LGALS1: variants seen among roughly 807,000 people sequenced by gnomAD.
The protein encoded by LGALS1 is galectin-1.
In LGALS1, 14 loss-of-function variants were observed where a neutral mutation model predicts 14.4. That is an observed-to-expected ratio of 0.97 (90% CI 0.64 to 1.52). The LOEUF is 1.52. Among genes scored for constraint, LGALS1 ranks in the 40% most tolerant of loss-of-function variants. The probability of loss-of-function intolerance (pLI) is 0.00; values close to 1 mark genes in which losing one functional copy is unlikely to be tolerated. For missense variants in LGALS1, 170 were observed against 181.4 expected (o/e 0.94, Z 0.36); for synonymous variants, 71 against 73.4 (o/e 0.97, Z 0.17).
chr22:37,676,189 G>A (rs1381302428), intron 1 of LGALS1: 1 of 151,220 alleles, frequency 6.6e-6, no homozygotes, highest in East Asian at 2.0e-4. Context: ...GCCCTTCTAG[G>A]TCGGGGGTGG....
chr22:37,679,681 AACCTGGAG>A lies in LGALS1; in HGVS notation c.341_348del (p.Asn114SerfsTer8), dbSNP rs762014603. The A allele has an allele frequency of 1.2e-5, 20 of 1,610,694 alleles. No homozygotes were observed. The Admixed American group carries it at 3.4e-4, about 27-fold the overall frequency. On this transcript the variant is annotated frameshift_variant, in exon 4 of 4. Coordinates refer to ENST00000215909, the MANE Select transcript of LGALS1 (RefSeq NM_002305.4). LOFTEE classifies it high-confidence loss of function. Reference sequence around the variant, plus strand: ...CGAATTCAAGTTCCCCAACCGCCTCAACCTGGAGGCCATCAACTACATGGCAGCTGACG... The same window carrying A: ...CGAATTCAAGTTCCCCAACCGCCTCAGCCATCAACTACATGGCAGCTGACG...
intron 1 of LGALS1, among the ~76,000 whole-genome samples, chr22:37,676,561 G>A (rs1921434715): frequency 6.6e-6 from 1 of 152,006 alleles, no homozygotes; most frequent in South Asian, 2.1e-4. Context: ...GGGGTCGCCC[G>A]CCCCTAGCCA....
At chr22:37,679,539 A>G in intron 3 of LGALS1, 64 bp from the exon 4 acceptor site, 4 of 1,430,106 alleles carry the variant, frequency 2.8e-6, no homozygotes, top group Non-Finnish European at 3.7e-6. Flanking sequence ...GGGCCACATG[A>G]GGAACGGGTT....
chr22:37,678,526 C>T lies in LGALS1; in HGVS notation c.133C>T (p.His45Tyr), dbSNP rs774542403. The T allele has an allele frequency of 1.9e-6, 3 of 1,613,652 alleles. No homozygotes were observed. Among genetic ancestry groups the T allele is most frequent in the Admixed American group, 3.3e-5 (2 of 60,026 alleles). Residue 45 changes from histidine to tyrosine, a missense_variant, in exon 3 of 4, where the codon CAC (histidine) becomes TAC (tyrosine). Transcript: ENST00000215909. ...CAAAGACAGCAACAACCTGTGCCTG[C>T]ACTTCAACCCTCGCTTCAACGCCCA... ...LGKDSNNLCL[H>Y]FNPRFNAHGD...
At position 37,678,331 on chromosome 22, in the gene LGALS1, G is replaced by C. The variant is rs562269972; in HGVS notation, c.90-152G>C. 8.6e-6 allele frequency: 7 copies of C among 809,864 alleles called. No individual in the cohort carries two copies. The East Asian group carries it at 1.6e-4, about 19-fold the overall frequency. 50.2% of individuals were successfully genotyped at this position (809,864 alleles called of 1,614,324 possible). A position where few individuals can be genotyped will look rare whatever the true frequency, so the allele number is the denominator to read the frequency against. On this transcript the variant is annotated intron_variant, in intron 2 of 3. Coordinates refer to ENST00000215909, the MANE Select transcript of LGALS1 (RefSeq NM_002305.4). The stretch of plus-strand genomic sequence containing the variant: ...AAACAGGGGAAGAGGGGCAGGAGCA[G>C]GTGGCATGGCCAGAGCTAGAATCCA...
intron 2 of LGALS1, among the ~76,000 whole-genome samples, chr22:37,678,026 GC>G (rs1195680226): frequency 6.6e-6 from 1 of 152,046 alleles, no homozygotes; most frequent in East Asian, 1.9e-4. Flanking sequence ...CTCATGATCT[GC>G]CCGCTCGCCT....
chr22:37,675,853 G>T, intron 1 of LGALS1, 142 bp downstream of exon 1: 2 of 660,724 alleles, frequency 3.0e-6, no homozygotes, highest in Non-Finnish European at 4.8e-6. Flanking sequence ...GACCTCAGTG[G>T]CCACATCTGT....
Position 37,677,985 on chromosome 22 carries a change from A to G in LGALS1, c.90-498A>G, listed in dbSNP as rs756946079. On this transcript the variant is annotated intron_variant, in intron 2 of 3. Coordinates refer to ENST00000215909, the MANE Select transcript of LGALS1 (RefSeq NM_002305.4). ...CTTTTAGTAGAGACGGGGTTTCACC[A>G]TGTTGGCCAGGCTGGTCTCGAACTC... Among the ~76,000 whole-genome samples the G allele has an allele frequency of 5.5e-4, 84 of 151,970 alleles. 1 individual carries two copies. The highest frequency in any genetic ancestry group is 1.8e-4 in the Non-Finnish European group (12 of 68,008).
intron 2 of LGALS1, chr22:37,677,266 T>C: frequency 1.7e-6 from 1 of 592,814 alleles, no homozygotes; most frequent in Non-Finnish European, 3.0e-6. Flanking sequence ...GCTCCCTCCC[T>C]GCTGTAGCCT....
Position 37,677,083 on chromosome 22 carries a change from G to A in LGALS1, c.89+18G>A. ...GCTAAGAGGTGAGAAGTGAAGTCGGGGTGGTGGGCGGCAGGGACGGGCTTG... is the reference window on the plus strand; with the variant it reads ...GCTAAGAGGTGAGAAGTGAAGTCGGAGTGGTGGGCGGCAGGGACGGGCTTG... On this transcript the variant is annotated intron_variant, in intron 2 of 3. Coordinates refer to ENST00000215909, the MANE Select transcript of LGALS1 (RefSeq NM_002305.4). 1 of 1,612,768 alleles carries A rather than the reference G, an allele frequency of 6.2e-7. No homozygotes were observed. Among genetic ancestry groups the A allele is most frequent in the Non-Finnish European group, 8.5e-7 (1 of 1,179,136 alleles).
chr22:37,679,460 G>A, intron 3 of LGALS1, 143 bp from the exon 4 acceptor site: 1 of 616,068 alleles, frequency 1.6e-6, no homozygotes, highest in Non-Finnish European at 2.4e-6. Context: ...CATAGGATTA[G>A]AGTAAAAAGA....
chr22:37,677,203 A>C, intron 2 of LGALS1, 138 bp downstream of exon 2: 1 of 815,414 alleles, frequency 1.2e-6, no homozygotes, highest in Non-Finnish European at 1.9e-6. Context: ...TTTCTGGGTG[A>C]CTCACTTCCC....
chr22:37,677,151 C>T, intron 2 of LGALS1, 86 bp downstream of exon 2: 3 of 1,323,918 alleles, frequency 2.3e-6, no homozygotes, highest in Non-Finnish European at 3.2e-6. Context: ...ACATCTCCTC[C>T]CTGGCCGGGA....
chr22:37,676,893 ACAACC>A (rs1194326239), intron 1 of LGALS1, 88 bp from the exon 2 acceptor site: 2 of 1,279,804 alleles, frequency 1.6e-6, no homozygotes, highest in African/African-American at 2.9e-5. Flanking sequence ...CCGGGCGGGA[ACAACC>A]CCACTCCCAC....
chr22:37,679,084 T>G (rs1045532361), intron 3 of LGALS1, among the ~76,000 whole-genome samples: 20 of 148,616 alleles, frequency 1.3e-4, no homozygotes, highest in African/African-American at 5.0e-4. Flanking sequence ...TGAGCCGAGA[T>G]TGCACCACTG....
Position 37,675,670 on chromosome 22 carries a change from C to G in LGALS1, c.-33C>G. 4.5e-6 allele frequency: 7 copies of G among 1,547,122 alleles called. No homozygotes were observed. The highest frequency in any genetic ancestry group is 5.2e-6 in the Non-Finnish European group (6 of 1,145,846). ...GGGTGGAGTCTTCTGACAGCTGGTG[C>G]GCCTGCCCGGGAACATCCTCCTGGA... On this transcript the variant is annotated 5_prime_UTR_variant, in exon 1 of 4. Coordinates refer to ENST00000215909, the MANE Select transcript of LGALS1 (RefSeq NM_002305.4).
rs1384627586 is a variant in LGALS1, at chr22:37,675,722, G to C, written c.9+11G>C. ...TCAATCATGGCTTGTGTGAGTGTGG[G>C]GACCCCCCCCCAAGGTCCAGGGGAT... On this transcript the variant is annotated intron_variant, in intron 1 of 3. Transcript: ENST00000215909. The C allele has an allele frequency of 6.5e-7, 1 of 1,538,212 alleles. No homozygotes were observed.
At chr22:37,676,380 T>A (rs1471204455) in intron 1 of LGALS1, among the ~76,000 whole-genome samples, 1 of 152,110 alleles carries the variant, frequency 6.6e-6, no homozygotes, top group East Asian at 1.9e-4. Context: ...CCACTCGGGG[T>A]GCCAGGGAAC....
chr22:37,677,093 G>C, intron 2 of LGALS1, 28 bp downstream of exon 2: 1 of 1,607,882 alleles, frequency 6.2e-7, no homozygotes, highest in Non-Finnish European at 8.5e-7. Flanking sequence ...GGTGGTGGGC[G>C]GCAGGGACGG....
Sources: allele counts gnomAD v4.1 joint callset (sites outside exome capture counted in the v4.1 genomes callset), GRCh38; gene constraint gnomAD v4.1.1; transcripts MANE v1.5; gene names NCBI Gene and HGNC (gene_info 2026-07-23, HGNC 2026-07-21).